Variants in RALGPS2 observed in about 807,000 individuals in gnomAD.
RALGPS2 encodes the protein Ral GEF with PH domain and SH3 binding motif 2, also known as ras-specific guanine nucleotide-releasing factor RalGPS2.
RALGPS2 carries 43 observed loss-of-function variants against 86.8 expected under a neutral mutation model. The observed-to-expected ratio is 0.50, with a 90% CI of 0.39 to 0.64. The LOEUF is 0.64. RALGPS2 is among the 30% of genes least tolerant of loss of function. RALGPS2 has a pLI of 0.00. For missense variants in RALGPS2, 536 were observed against 694.6 expected (o/e 0.77, Z 2.57); for synonymous variants, 243 against 231.3 (o/e 1.05, Z -0.46).
At chr1:178,869,587 C>A (rs1474402345) in intron 8 of RALGPS2, among the ~76,000 whole-genome samples, 2 of 152,008 alleles carry the variant, frequency 1.3e-5, no homozygotes, top group Non-Finnish European at 2.9e-5. Flanking sequence ...ATTTCAGATC[C>A]ACTGTTGCTT....
intron 9 of RALGPS2, 99 bp from the exon 10 acceptor site, chr1:178,878,803 A>C: frequency 1.3e-6 from 2 of 1,502,064 alleles, no homozygotes; most frequent in Non-Finnish European, 1.8e-6. Context: ...TTTTGCTGCC[A>C]TGTGGCCTTA....
At chr1:178,913,993 G>A (rs944284130) in intron 19 of RALGPS2, among the ~76,000 whole-genome samples, 3 of 152,122 alleles carry the variant, frequency 2.0e-5, no homozygotes, top group African/African-American at 4.8e-5. Flanking sequence ...GGTGACAGTC[G>A]CCCGCAAAAG....
rs188216340 is a variant in RALGPS2 at position 178,824,941 on chromosome 1, C to T, written c.480+3237C>T. On this transcript the variant is annotated intron_variant, in intron 7 of 19. Coordinates refer to ENST00000367635, the MANE Select transcript of RALGPS2 (RefSeq NM_152663.5). Reference sequence around the variant, plus strand: ...CTTAGAAGTTCTGATTGTTTTGTTTCCTCAGACATAAAAAAGCAAGGTCTT... The same window carrying T: ...CTTAGAAGTTCTGATTGTTTTGTTTTCTCAGACATAAAAAAGCAAGGTCTT... Among the ~76,000 whole-genome samples, 438 of 152,180 alleles carry T rather than the reference C, an allele frequency of 2.9e-3. 1 individual carries two copies. Among genetic ancestry groups the T allele is most frequent in the Non-Finnish European group, 4.3e-3 (295 of 67,998 alleles).
At position 178,827,966 on chromosome 1, in the gene RALGPS2, A is replaced by G. The variant is rs906072766; in HGVS notation, c.481-5458A>G. Among the ~76,000 whole-genome samples, 4 of 152,178 alleles carry G rather than the reference A, an allele frequency of 2.6e-5. No homozygotes were observed. In the East Asian group the frequency reaches 7.7e-4, roughly 29 times the overall value. Reference sequence around the variant, plus strand: ...CATACCATCTGCAAAAATGAACTCAAAATATACTTAGTACTTAAACATGAG... The same window carrying G: ...CATACCATCTGCAAAAATGAACTCAGAATATACTTAGTACTTAAACATGAG... On this transcript the variant is annotated intron_variant, in intron 7 of 19. Transcript: ENST00000367635.
chr1:178,751,474 TGA>T (rs1275019335), intron 1 of RALGPS2, among the ~76,000 whole-genome samples: 43 of 152,304 alleles, frequency 2.8e-4, no homozygotes, highest in Non-Finnish European at 7.4e-5. Flanking sequence ...TTGCTCTTCT[TGA>T]GAGAGAACAC....
intron 8 of RALGPS2, among the ~76,000 whole-genome samples, chr1:178,856,394 ATT>A (rs71108081): frequency 2.3e-3 from 83 of 36,424 alleles, no homozygotes; most frequent in African/African-American, 7.9e-3. Flanking sequence ...TGCCTGGCTA[ATT>A]TTTTTTTTTT....
At chr1:178,776,251 A>C (rs1245805570) in intron 1 of RALGPS2, among the ~76,000 whole-genome samples, 1 of 152,168 alleles carries the variant, frequency 6.6e-6, no homozygotes, top group African/African-American at 2.4e-5. Flanking sequence ...ATATGTTGGT[A>C]ATCTAGATCA....
intron 7 of RALGPS2, among the ~76,000 whole-genome samples, chr1:178,828,448 A>G (rs909393842): frequency 4.6e-5 from 7 of 152,224 alleles, no homozygotes; most frequent in Admixed American, 2.0e-4. Context: ...ATATTTAAAC[A>G]TGGAAACAGC....
At chr1:178,843,744 G>T (rs1656727304) in intron 8 of RALGPS2, among the ~76,000 whole-genome samples, 1 of 151,746 alleles carries the variant, frequency 6.6e-6, no homozygotes, top group Non-Finnish European at 1.5e-5. Context: ...CATAATTTTA[G>T]ATACTGGTAT....
chr1:178,779,798 A>G (rs1653291782), intron 2 of RALGPS2, among the ~76,000 whole-genome samples: 1 of 152,232 alleles, frequency 6.6e-6, no homozygotes, highest in African/African-American at 2.4e-5. Flanking sequence ...CAGTGGCACG[A>G]TCTGGGCCCA....
intron 1 of RALGPS2, among the ~76,000 whole-genome samples, chr1:178,767,172 A>G (rs1297992095): frequency 2.0e-5 from 3 of 152,152 alleles, no homozygotes; most frequent in Admixed American, 6.5e-5. Flanking sequence ...AATGTCAGTT[A>G]TCTTCATTCC....
intron 8 of RALGPS2, among the ~76,000 whole-genome samples, chr1:178,854,664 T>C (rs1416445703): frequency 2.0e-5 from 3 of 152,170 alleles, no homozygotes; most frequent in Non-Finnish European, 4.4e-5. Flanking sequence ...AACGATTAAC[T>C]AAGGTCATGT....
chr1:178,889,038 G>T (rs895570979), intron 13 of RALGPS2, among the ~76,000 whole-genome samples: 4 of 151,496 alleles, frequency 2.6e-5, no homozygotes, highest in African/African-American at 4.8e-5. Context: ...TTTTTTGTTG[G>T]TTTTTTTTCC....
chr1:178,906,874 A>G lies in RALGPS2; in HGVS notation c.1722+7A>G. 6.2e-7 allele frequency: 1 copy of G among 1,610,782 alleles called. No homozygotes were observed. Among genetic ancestry groups the G allele is most frequent in the African/African-American group, 1.3e-5 (1 of 74,964 alleles). ...CCAAAGTAACAAACAACAGGTAAGC[A>G]TTTCTCCTAATTCTCAGAATAGTCC... On this transcript the variant is annotated splice_region_variant and intron_variant, in intron 19 of 19. Coordinates refer to ENST00000367635, the MANE Select transcript of RALGPS2 (RefSeq NM_152663.5).
chr1:178,897,884 A>G, intron 17 of RALGPS2, 128 bp downstream of exon 17: 1 of 634,382 alleles, frequency 1.6e-6, no homozygotes, highest in East Asian at 2.8e-5. Context: ...CTAGTCCAAA[A>G]GTTTTTACAT....
intron 5 of RALGPS2, among the ~76,000 whole-genome samples, chr1:178,811,033 A>C (rs1374473590): frequency 2.0e-5 from 3 of 152,090 alleles, no homozygotes; most frequent in African/African-American, 7.2e-5. Context: ...TTTGAAATGC[A>C]GTTTTAATCT....
At chr1:178,892,937 G>A (rs928819635) in intron 15 of RALGPS2, among the ~76,000 whole-genome samples, 8 of 152,014 alleles carry the variant, frequency 5.3e-5, no homozygotes, top group Non-Finnish European at 1.2e-4. Flanking sequence ...CAAACTTTAC[G>A]TCAGTTTGAT....
chr1:178,851,088 G>C (rs1657142602), intron 8 of RALGPS2: 2 of 1,548,860 alleles, frequency 1.3e-6, no homozygotes, highest in South Asian at 2.5e-5. Context: ...GAGCTGAAAA[G>C]TACAAAGTTC....
At chr1:178,782,685 C>T (rs187921431) in intron 2 of RALGPS2, among the ~76,000 whole-genome samples, 4 of 152,064 alleles carry the variant, frequency 2.6e-5, no homozygotes, top group Admixed American at 6.6e-5. Context: ...CTTCCCCCAC[C>T]ACATCAGCAG....
Sources: allele counts gnomAD v4.1 joint callset (sites outside exome capture counted in the v4.1 genomes callset), GRCh38; gene constraint gnomAD v4.1.1; transcripts MANE v1.5; gene names NCBI Gene and HGNC (gene_info 2026-07-23, HGNC 2026-07-21).